DCBLD1: variants seen among roughly 807,000 people sequenced by gnomAD.
DCBLD1 encodes discoidin, CUB and LCCL domain-containing protein 1.
DCBLD1 carries 57 observed loss-of-function variants against 71.5 expected under a neutral mutation model. That is an observed-to-expected ratio of 0.80 (90% CI 0.64 to 0.99). The LOEUF is 0.99. Among genes scored for constraint, DCBLD1 ranks in the 50% least tolerant of loss-of-function variants. The pLI, the probability that DCBLD1 is intolerant of heterozygous loss-of-function variation, is 0.00. For synonymous variants in DCBLD1, 380 were observed against 363.8 expected, an observed-to-expected ratio of 1.04 and a Z score of -0.51; for missense variants, 891 against 923.5, an observed-to-expected ratio of 0.96 and a Z score of 0.46.
Position 117,505,661 on chromosome 6 carries a change from A to G in DCBLD1, c.325+1682A>G, listed in dbSNP as rs528100186. Reference sequence around the variant, plus strand: ...CCTCCATCATCTTTGAGGTATATTCATAAATATACACAAAGGCAGAAAAGG... The same window carrying G: ...CCTCCATCATCTTTGAGGTATATTCGTAAATATACACAAAGGCAGAAAAGG... On this transcript the variant is annotated intron_variant, in intron 2 of 14. Transcript: ENST00000338728. 5.9e-5 allele frequency among the ~76,000 whole-genome samples: 9 copies of G among 152,316 alleles called. No individual in the cohort carries two copies. In the South Asian group the frequency reaches 1.9e-3, roughly 32 times the overall value.
At chr6:117,558,838 A>G (rs2114591688) in intron 14 of DCBLD1, among the ~76,000 whole-genome samples, 1 of 152,222 alleles carries the variant, frequency 6.6e-6, no homozygotes, top group East Asian at 1.9e-4. Flanking sequence ...AGAGGAAAGT[A>G]AGTGTTCAAC....
intron 2 of DCBLD1, among the ~76,000 whole-genome samples, chr6:117,513,899 A>G (rs1778104962): frequency 7.9e-6 from 1 of 126,252 alleles, no homozygotes; most frequent in Admixed American, 7.8e-5. Context: ...TTTAAAAGTC[A>G]GGAGACCTTT....
chr6:117,508,979 G>T (rs577570350), intron 2 of DCBLD1, among the ~76,000 whole-genome samples: 1 of 152,152 alleles, frequency 6.6e-6, no homozygotes, highest in Non-Finnish European at 1.5e-5. Flanking sequence ...GATATTACAC[G>T]TGTGTTTAAG....
intron 6 of DCBLD1, among the ~76,000 whole-genome samples, chr6:117,534,521 G>A (rs1207377210): frequency 6.6e-6 from 1 of 152,108 alleles, no homozygotes; most frequent in Non-Finnish European, 1.5e-5. Flanking sequence ...CCTCCAAACA[G>A]GGACAAAGAA....
intron 14 of DCBLD1, chr6:117,560,270 T>A (rs1162257852): frequency 5.8e-6 from 1 of 173,224 alleles, no homozygotes; most frequent in East Asian, 1.0e-4. Context: ...GCCAAAATAT[T>A]TAACGTCAAG....
intron 1 of DCBLD1, among the ~76,000 whole-genome samples, chr6:117,495,788 A>G (rs1777448437): frequency 1.3e-5 from 2 of 152,264 alleles, no homozygotes; most frequent in African/African-American, 4.8e-5. Flanking sequence ...TGTATAGCAC[A>G]TTAAAGAATA....
intron 5 of DCBLD1, among the ~76,000 whole-genome samples, chr6:117,530,513 G>A (rs11759243): frequency 0.026 from 3,957 of 152,252 alleles, 77 homozygotes; most frequent in East Asian, 0.051. Flanking sequence ...TGTGTGGCCC[G>A]GTTCCTAACA....
chr6:117,569,613 C>A (rs746140915), intron 14 of DCBLD1: 1 of 1,613,048 alleles, frequency 6.2e-7, no homozygotes, highest in Non-Finnish European at 8.5e-7. Context: ...TGCTTTGTGT[C>A]CCTTAGGTTA....
In DCBLD1 at chr6:117,525,352, CT is replaced by C; in HGVS notation, c.513-5del. ...AATAAAATATAAATTATTTATTTTT[CT>C]TTTTCCAGCAAATTCTGCCCAGCTG... On this transcript the variant is annotated splice_polypyrimidine_tract_variant and intron_variant, in intron 4 of 14. Coordinates refer to ENST00000338728, the MANE Select transcript of DCBLD1 (RefSeq NM_001366458.2). The C allele has an allele frequency of 6.9e-7, 1 of 1,444,370 alleles. No homozygotes were observed. The highest frequency in any genetic ancestry group is 9.1e-7 in the Non-Finnish European group (1 of 1,099,970). The allele number at this position is 1,444,370 out of a possible 1,614,324, so 89.5% of individuals were successfully genotyped here.
Position 117,548,444 on chromosome 6 carries a change from A to G in DCBLD1, c.*5A>G, listed in dbSNP as rs1779354104. 6.4e-7 allele frequency: 1 copy of G among 1,550,506 alleles called. No individual in the cohort carries two copies. The highest frequency in any genetic ancestry group is 8.7e-7 in the Non-Finnish European group (1 of 1,147,006). The stretch of plus-strand genomic sequence containing the variant: ...GCCATGACTGCCCTTTTGTGAACAC[A>G]ATGTGAAAGAAGCCTGCTGTGGTAC... On this transcript the variant is annotated 3_prime_UTR_variant, in exon 15 of 15. Coordinates refer to ENST00000338728, the MANE Select transcript of DCBLD1 (RefSeq NM_001366458.2).
intron 11 of DCBLD1, 120 bp from the exon 12 acceptor site, chr6:117,543,004 A>T: frequency 1.2e-6 from 1 of 802,488 alleles, no homozygotes; most frequent in Non-Finnish European, 2.1e-6. Flanking sequence ...CCTAACATGT[A>T]TTCATTTTCC....
Position 117,545,482 on chromosome 6 carries a change from T to C in DCBLD1, c.1500T>C (p.Cys500=). 6.2e-7 allele frequency: 1 copy of C among 1,614,004 alleles called. No individual in the cohort carries two copies. Among genetic ancestry groups the C allele is most frequent in the South Asian group, 1.1e-5 (1 of 91,044 alleles). ...TTTATGTTACCTTTATTCCAGACTGTTGGAAGCAGATTAAATATCCCTTTG... is the reference window on the plus strand; with the variant it reads ...TTTATGTTACCTTTATTCCAGACTGCTGGAAGCAGATTAAATATCCCTTTG... ...YGSAEAQKTD[C]WKQIKYPFAR... Residue 500 remains cysteine, a synonymous_variant, in exon 14 of 15, where the codon TGT becomes TGC. Transcript: ENST00000338728.
At chr6:117,500,256 A>G (rs1777609145) in intron 1 of DCBLD1, among the ~76,000 whole-genome samples, 1 of 152,234 alleles carries the variant, frequency 6.6e-6, no homozygotes, top group Admixed American at 6.5e-5. Context: ...AGAAAACTCC[A>G]TAAATAGTCT....
In DCBLD1 at chr6:117,503,650, T is replaced by G. The variant is rs1582979346; in HGVS notation, c.113-117T>G. ...AGTCTTCTTTTTTTGTTTTTTGGTT[T>G]TCCTTCTGCCCAAAAACAATAAAAT... On this transcript the variant is annotated intron_variant, in intron 1 of 14. Coordinates refer to ENST00000338728, the MANE Select transcript of DCBLD1 (RefSeq NM_001366458.2). The G allele has an allele frequency of 2.1e-5, 24 of 1,130,954 alleles. No individual in the cohort carries two copies. The East Asian group carries it at 6.1e-4, about 29-fold the overall frequency. 70.1% of individuals were successfully genotyped at this position (1,130,954 alleles called of 1,614,324 possible).
chr6:117,526,722 G>A (rs1043099490), intron 5 of DCBLD1, among the ~76,000 whole-genome samples: 7 of 152,144 alleles, frequency 4.6e-5, no homozygotes, highest in African/African-American at 1.7e-4. Flanking sequence ...TGTTTTGAAA[G>A]CTACTCTCTT....
intron 4 of DCBLD1, among the ~76,000 whole-genome samples, chr6:117,522,300 C>T (rs997132841): frequency 4.6e-5 from 7 of 152,160 alleles, no homozygotes; most frequent in Non-Finnish European, 8.8e-5. Flanking sequence ...TCCCTGGCCT[C>T]TATGTCCTAG....
In DCBLD1 at chr6:117,565,679, G is replaced by A. The variant is rs564049720; in HGVS notation, c.1616-3941G>A. ...AGCTGTCAAGCTCATGGTGATCAAC[G>A]TATGTTTTACAAAGTTCTAACTTTC... On this transcript the variant is annotated intron_variant, in intron 14 of 14. Coordinates refer to the DCBLD1 transcript ENST00000296955. 2.1e-3 allele frequency among the ~76,000 whole-genome samples: 324 copies of A among 152,222 alleles called. 1 individual carries two copies. The highest frequency in any genetic ancestry group is 7.5e-3 in the African/African-American group (310 of 41,538).
intron 4 of DCBLD1, among the ~76,000 whole-genome samples, chr6:117,523,724 A>G (rs948014227): frequency 6.6e-6 from 1 of 152,164 alleles, no homozygotes; most frequent in Non-Finnish European, 1.5e-5. Flanking sequence ...ATTTATTTGG[A>G]TAGTTTTGAT....
At position 117,544,528 on chromosome 6, in the gene DCBLD1, G is replaced by A; in HGVS notation, c.1446G>A (p.Lys482=). 2 of 1,609,194 alleles carry A rather than the reference G, an allele frequency of 1.2e-6. No individual in the cohort carries two copies. Among genetic ancestry groups the A allele is most frequent in the South Asian group, 1.1e-5 (1 of 90,710 alleles). The change falls in exon 13 of 15, where the codon AAG becomes AAA. Residue 482 remains lysine (K), a splice_region_variant and synonymous_variant. Transcript: ENST00000338728. ...AGMGIFAAFR[K]KKKKGSPYGS... ...TCAGTAGGACTTTTTGTCTTGATAG[G>A]AAGAAGAAGAAAGGAAGTCCGTATG...
Sources: allele counts gnomAD v4.1 joint callset (sites outside exome capture counted in the v4.1 genomes callset), GRCh38; gene constraint gnomAD v4.1.1; transcripts MANE v1.5; gene names NCBI Gene and HGNC (gene_info 2026-07-23, HGNC 2026-07-21).